Variants in PSAP observed in about 807,000 individuals in gnomAD.
The protein encoded by PSAP is prosaposin, also known as precursor of saposins.
Under a neutral mutation model 66.0 loss-of-function variants are expected in PSAP, and 25 were observed. The ratio of observed to expected loss-of-function variants is 0.38; its 90% CI spans 0.28 to 0.53. PSAP has a LOEUF of 0.53. PSAP is among the 20% of genes least tolerant of loss of function. The pLI is 0.83. For synonymous variants in PSAP, 273 were observed against 258.9 expected, an observed-to-expected ratio of 1.05 and a Z score of -0.52; for missense variants, 649 against 668.8, an observed-to-expected ratio of 0.97 and a Z score of 0.33.
chr10:71,828,197 C>T, intron 5 of PSAP, 40 bp from the exon 6 acceptor site: 3 of 1,612,542 alleles, frequency 1.9e-6, no homozygotes, highest in Non-Finnish European at 2.5e-6. Flanking sequence ...TAAGAGGACT[C>T]AAATTCCTAG....
chr10:71,829,147 C>A, intron 4 of PSAP, 70 bp from the exon 5 acceptor site: 1 of 1,399,828 alleles, frequency 7.1e-7, no homozygotes, highest in Non-Finnish European at 1.0e-6. Context: ...CCATCTAGTG[C>A]CTCTGAATTA....
chr10:71,837,217 T>C (rs748380775), intron 1 of PSAP, among the ~76,000 whole-genome samples: 3 of 152,190 alleles, frequency 2.0e-5, no homozygotes, highest in Non-Finnish European at 4.4e-5. Context: ...TAAAGGTGCA[T>C]GTTACAAAAA....
At chr10:71,842,158 T>C (rs1017900079) in intron 1 of PSAP, among the ~76,000 whole-genome samples, 3 of 152,274 alleles carry the variant, frequency 2.0e-5, no homozygotes, top group East Asian at 3.9e-4. Context: ...AAAATCCTCA[T>C]GATAAAACCA....
In PSAP at chr10:71,818,597, C is replaced by T. The variant is rs372772165; in HGVS notation, c.1539+20G>A. ...CCCAGGGCAAGACAGGCTGGTGACA[C>T]TGTCTGCTGAGCTACTCACATTGCA... is the stretch of plus-strand genomic sequence containing the variant. On this transcript the variant is annotated intron_variant, in intron 13 of 13. Coordinates refer to ENST00000394936, the MANE Select transcript of PSAP (RefSeq NM_002778.4). 2.7e-5 allele frequency: 44 copies of T among 1,607,378 alleles called. No homozygotes were observed. The African/African-American group carries it at 5.8e-4, about 21-fold the overall frequency.
intron 8 of PSAP, among the ~76,000 whole-genome samples, chr10:71,821,530 A>T (rs1449254958): frequency 3.3e-5 from 5 of 152,230 alleles, no homozygotes; most frequent in African/African-American, 1.2e-4. Context: ...CCAGTCTGTC[A>T]GGGCCACAGG....
intron 1 of PSAP, among the ~76,000 whole-genome samples, chr10:71,850,147 A>G (rs1842900421): frequency 6.6e-6 from 1 of 152,192 alleles, no homozygotes; most frequent in Non-Finnish European, 1.5e-5. Context: ...AAAAATCCAC[A>G]TTCTATAGAG....
At chr10:71,850,298 G>A (rs11592448) in intron 1 of PSAP, among the ~76,000 whole-genome samples, 73,431 of 152,046 alleles carry the variant, frequency 0.48, 18,247 homozygotes, top group Middle Eastern at 0.57. Context: ...AGCTTCCTCT[G>A]CACAATAAAA....
chr10:71,848,343 T>C (rs190095044), intron 1 of PSAP, among the ~76,000 whole-genome samples: 39 of 152,312 alleles, frequency 2.6e-4, no homozygotes, highest in Admixed American at 2.0e-3. Context: ...AAGAGGTCCA[T>C]GTGGACAGAG....
intron 11 of PSAP, 121 bp from the exon 12 acceptor site, chr10:71,819,232 C>G (rs147953974): frequency 5.0e-4 from 534 of 1,073,628 alleles, no homozygotes; most frequent in Non-Finnish European, 7.1e-4. Context: ...TCCCAGCCCA[C>G]TGGGTCCTGG....
intron 1 of PSAP, among the ~76,000 whole-genome samples, chr10:71,837,229 A>G (rs1269263387): frequency 1.3e-5 from 2 of 152,246 alleles, no homozygotes; most frequent in African/African-American, 4.8e-5. Context: ...TTACAAAAAC[A>G]GCCTGTGGTA....
At chr10:71,817,701 G>A (rs1842202146) in intron 13 of PSAP, among the ~76,000 whole-genome samples, 2 of 152,174 alleles carry the variant, frequency 1.3e-5, no homozygotes, top group South Asian at 4.1e-4. Flanking sequence ...AGCAGCAGAT[G>A]CCTGCAGCAG....
At chr10:71,824,568 G>A (rs990372804) in intron 7 of PSAP, among the ~76,000 whole-genome samples, 14 of 152,104 alleles carry the variant, frequency 9.2e-5, no homozygotes, top group African/African-American at 2.4e-4. Flanking sequence ...AGATACATCC[G>A]GCCACCGGGG....
At chr10:71,827,029 T>C (rs930235267) in intron 6 of PSAP, among the ~76,000 whole-genome samples, 3 of 152,184 alleles carry the variant, frequency 2.0e-5, no homozygotes, top group Non-Finnish European at 4.4e-5. Context: ...AGGTGAACCA[T>C]GGTCAGCGAC....
chr10:71,827,050 G>A (rs564682155), intron 6 of PSAP, among the ~76,000 whole-genome samples: 1 of 152,308 alleles, frequency 6.6e-6, no homozygotes, highest in South Asian at 2.1e-4. Flanking sequence ...CATGCTTGCT[G>A]CAGGAGCACA....
In PSAP at chr10:71,819,510, A is replaced by G; in HGVS notation, c.1305T>C (p.Ala435=). The G allele has an allele frequency of 1.9e-6, 3 of 1,614,214 alleles. No homozygotes were observed. Among genetic ancestry groups the G allele is most frequent in the Non-Finnish European group, 2.5e-6 (3 of 1,180,030 alleles). ...KNSTKQEILA[A]LEKGCSFLPD... ...GCAGGAAGCTGCAGCCTTTCTCAAG[A>G]GCAGCCAGGATCTCCTGCTTGGTGC... is the stretch of plus-strand genomic sequence containing the variant. Residue 435 remains alanine, a synonymous_variant, in exon 11 of 14, where the codon GCT becomes GCC. Transcript: ENST00000394936.
At chr10:71,850,284 T>C (rs117179617) in intron 1 of PSAP, among the ~76,000 whole-genome samples, 7,334 of 152,324 alleles carry the variant, frequency 0.048, 231 homozygotes, top group Admixed American at 0.099. Flanking sequence ...GTCGGCTACC[T>C]GAGAGCTTCC....
chr10:71,842,635 T>C (rs1426144257), intron 1 of PSAP, among the ~76,000 whole-genome samples: 1 of 152,124 alleles, frequency 6.6e-6, no homozygotes, highest in Non-Finnish European at 1.5e-5. Flanking sequence ...TTATAGCTGC[T>C]TCCCTTTTCA....
At chr10:71,834,301 G>GT in intron 2 of PSAP, 71 bp downstream of exon 2, 1 of 1,606,144 alleles carries the variant, frequency 6.2e-7, no homozygotes, top group Non-Finnish European at 8.5e-7. Context: ...CAATATGGCA[G>GT]TGAGTTACAG....
chr10:71,825,293 T>G (rs1842381160), intron 7 of PSAP, among the ~76,000 whole-genome samples: 1 of 152,218 alleles, frequency 6.6e-6, no homozygotes, highest in Non-Finnish European at 1.5e-5. Context: ...CAGGCCGCCC[T>G]GCTCTGCGTG....
Sources: gnomAD v4.1 joint callset for allele counts (sites outside exome capture counted in the v4.1 genomes callset) on GRCh38, gnomAD v4.1.1 for gene constraint, MANE v1.5 for transcripts, NCBI Gene and HGNC (gene_info 2026-07-23, HGNC 2026-07-21) for gene names.